The following BMAL1 variants were observed in gnomAD, a reference collection of about 807,000 sequenced individuals.
The protein encoded by BMAL1 is basic helix-loop-helix ARNT-like protein 1.
At chr11:13,318,108 C>T in the BMAL1 span, among the ~76,000 whole-genome samples, 1,982 of 152,316 alleles carry the variant, frequency 0.013, 45 homozygotes, top group African/African-American at 0.046. Flanking sequence ...AGCCTGCCTC[C>T]GGCTGGCCCA....
At chr11:13,341,745 G>A in the BMAL1 span, among the ~76,000 whole-genome samples, 1 of 152,232 alleles carries the variant, frequency 6.6e-6, no homozygotes, top group Admixed American at 6.5e-5. Context: ...CTCTTATTCT[G>A]TAGCAATTAA....
chr11:13,285,572 G>A, the BMAL1 span, among the ~76,000 whole-genome samples: 1 of 152,182 alleles, frequency 6.6e-6, no homozygotes, highest in Non-Finnish European at 1.5e-5. Flanking sequence ...AGATCTGGGG[G>A]AAAGTATCCC....
the BMAL1 span, chr11:13,379,895 AC>A: frequency 1.3e-5 from 2 of 152,244 alleles, no homozygotes; most frequent in South Asian, 4.1e-4. Flanking sequence ...AACCTGTAAG[AC>A]CCCATTTGTT....
chr11:13,354,342 A>G, the BMAL1 span: 3 of 1,613,338 alleles, frequency 1.9e-6, no homozygotes, highest in East Asian at 2.2e-5. Context: ...TTCTTCAACC[A>G]TCAGTGATTT....
chr11:13,278,791 CG>C, the BMAL1 span, among the ~76,000 whole-genome samples: 1 of 152,240 alleles, frequency 6.6e-6, no homozygotes, highest in African/African-American at 2.4e-5. Flanking sequence ...GCTCCAGCTC[CG>C]GGTTTGACAG....
chr11:13,285,741 GGCCTTGTAA>G, the BMAL1 span, among the ~76,000 whole-genome samples: 13 of 152,074 alleles, frequency 8.5e-5, no homozygotes, highest in African/African-American at 3.1e-4. Flanking sequence ...GTGTTAGGAA[GGCCTTGTAA>G]ATACTTACAT....
the BMAL1 span, chr11:13,356,729 G>GT: frequency 5.0e-6 from 8 of 1,614,000 alleles, no homozygotes; most frequent in Middle Eastern, 1.6e-4. Flanking sequence ...ATTCTCTTTT[G>GT]TTTTTTCAGA....
chr11:13,284,020 T>C, the BMAL1 span, among the ~76,000 whole-genome samples: 1 of 150,886 alleles, frequency 6.6e-6, no homozygotes, highest in South Asian at 2.1e-4. Flanking sequence ...TCCCTCACCT[T>C]CGTCCTTTTC....
the BMAL1 span, among the ~76,000 whole-genome samples, chr11:13,323,621 AT>A: frequency 6.6e-6 from 1 of 152,084 alleles, no homozygotes; most frequent in African/African-American, 2.4e-5. Flanking sequence ...GGTTTTAAAA[AT>A]TATTTATTTA....
chr11:13,370,209 C>T, the BMAL1 span, among the ~76,000 whole-genome samples: 11 of 152,154 alleles, frequency 7.2e-5, no homozygotes, highest in Non-Finnish European at 1.2e-4. Flanking sequence ...TCCCCGACCC[C>T]CTGCTGCTAC....
At chr11:13,357,051 C>T in the BMAL1 span, 1 of 1,614,190 alleles carries the variant, frequency 6.2e-7, no homozygotes, top group Non-Finnish European at 8.5e-7. The surrounding 1 kb of genome is among the most constrained non-coding windows in gnomAD (Gnocchi z 4.8). Context: ...TTTCCTCCCC[C>T]CAGGTTAGAA....
At chr11:13,306,904 G>T in the BMAL1 span, among the ~76,000 whole-genome samples, 2 of 152,230 alleles carry the variant, frequency 1.3e-5, no homozygotes, top group African/African-American at 2.4e-5. Context: ...CAGACAGGCT[G>T]CCCTGCCTGA....
the BMAL1 span, among the ~76,000 whole-genome samples, chr11:13,278,600 C>T: frequency 6.6e-6 from 1 of 152,226 alleles, no homozygotes; most frequent in African/African-American, 2.4e-5. Flanking sequence ...CCCCGGCCGG[C>T]ACGGGGCCGA....
the BMAL1 span, among the ~76,000 whole-genome samples, chr11:13,284,164 G>GTATA: frequency 1.2e-4 from 4 of 33,802 alleles, no homozygotes; most frequent in Admixed American, 3.6e-4. Flanking sequence ...ATATATGTGT[G>GTATA]TATATATATA....
the BMAL1 span, among the ~76,000 whole-genome samples, chr11:13,357,878 G>A: frequency 2.6e-5 from 4 of 152,170 alleles, no homozygotes; most frequent in Admixed American, 6.5e-5. This position sits in a 1 kb window ranked among gnomAD's most constrained non-coding sequence, Gnocchi z 4.8. Flanking sequence ...AGGCTCCTGG[G>A]GACAGATGTA....
At chr11:13,349,064 C>T in the BMAL1 span, among the ~76,000 whole-genome samples, 278 of 152,294 alleles carry the variant, frequency 1.8e-3, no homozygotes, top group Non-Finnish European at 3.0e-3. Context: ...CAGGAATCCT[C>T]CACATGAGTC....
At chr11:13,338,007 G>C in the BMAL1 span, among the ~76,000 whole-genome samples, 25 of 152,096 alleles carry the variant, frequency 1.6e-4, no homozygotes, top group Non-Finnish European at 2.5e-4. Flanking sequence ...AAAAAAGCCT[G>C]GTGTGTGGTT....
chr11:13,317,091 G>T, the BMAL1 span, among the ~76,000 whole-genome samples: 1 of 152,154 alleles, frequency 6.6e-6, no homozygotes, highest in East Asian at 1.9e-4. Context: ...CGTGACTGGC[G>T]TGTAGAAAGC....
chr11:13,318,130 C>G, the BMAL1 span, among the ~76,000 whole-genome samples: 1 of 152,216 alleles, frequency 6.6e-6, no homozygotes, highest in African/African-American at 2.4e-5. Context: ...CCTCACTGTA[C>G]CTTTCCATGG....
Sources: gnomAD v4.1 joint callset for allele counts (sites outside exome capture counted in the v4.1 genomes callset) on GRCh38, gnomAD v4.1.1 for gene constraint, Gnocchi (gnomAD v3.1) non-coding constraint, MANE v1.5 for transcripts, NCBI Gene and HGNC (gene_info 2026-07-23, HGNC 2026-07-21) for gene names.